The following OGDH variants were observed in gnomAD, a reference collection of about 807,000 sequenced individuals.
The protein encoded by OGDH is oxoglutarate dehydrogenase.
A neutral mutation model predicts 116.6 loss-of-function variants in OGDH; 38 were observed. The observed-to-expected ratio is 0.33, with a 90% CI of 0.25 to 0.43. The LOEUF is 0.43. Among genes scored for constraint, OGDH ranks in the 20% least tolerant of loss-of-function variants. The pLI is 1.00. For synonymous variants in OGDH, 488 were observed against 533.3 expected, an observed-to-expected ratio of 0.92 and a Z score of 1.17; for missense variants, 825 against 1,357.2, an observed-to-expected ratio of 0.61 and a Z score of 6.16.
rs371133064 is a variant in OGDH at position 44,696,906 on chromosome 7, C to T, written c.1901-8C>T. Reference sequence around the variant, plus strand: ...CTGCAGCAGCTGGTGAGAGCTGTGTCTCTGCAGGGCTGAGCCGGATCTTGA... The same window carrying T: ...CTGCAGCAGCTGGTGAGAGCTGTGTTTCTGCAGGGCTGAGCCGGATCTTGA... On this transcript the variant is annotated splice_region_variant and splice_polypyrimidine_tract_variant and intron_variant, in intron 14 of 22. Coordinates refer to ENST00000222673, the MANE Select transcript of OGDH (RefSeq NM_002541.4). 17 of 1,601,492 alleles carry T rather than the reference C, an allele frequency of 1.1e-5. No individual in the cohort carries two copies. Among genetic ancestry groups the T allele is most frequent in the African/African-American group, 1.3e-5 (1 of 74,680 alleles).
rs1185554089 is a variant in OGDH at position 44,609,339 on chromosome 7, C to CAA, written c.-28+2706_-28+2707dup. Among the ~76,000 whole-genome samples, 84 of 81,542 alleles carry CAA rather than the reference C, an allele frequency of 1.0e-3. 1 individual carries two copies. Among genetic ancestry groups the CAA allele is most frequent in the South Asian group, 1.3e-3 (3 of 2,366 alleles). The allele number at this position is 81,542 out of a possible 152,430, so 53.5% of individuals were successfully genotyped here. ...GGAACATAGTGAGACCTCGTCTCTA[C>CAA]AAAAAAAAAAAAAAAAAAAAATTAG... On this transcript the variant is annotated intron_variant, in intron 1 of 22. Coordinates refer to ENST00000222673, the MANE Select transcript of OGDH (RefSeq NM_002541.4).
chr7:44,629,575 C>CTTTTTTTTTTTTTTTTT (rs1037295168), intron 2 of OGDH, among the ~76,000 whole-genome samples: 3 of 134,434 alleles, frequency 2.2e-5, no homozygotes, highest in East Asian at 2.3e-4. Flanking sequence ...TTTTCTTTTT[C>CTTTTTTTTTTTTTTTTT]TTTTCTTTTT....
Position 44,675,237 on chromosome 7 carries a change from A to G in OGDH, c.995A>G (p.Gln332Arg). 6.2e-7 allele frequency: 1 copy of G among 1,614,136 alleles called. No individual in the cohort carries two copies. Among genetic ancestry groups the G allele is most frequent in the East Asian group, 2.2e-5 (1 of 44,880 alleles). Residue 332 changes from glutamine to arginine, a missense_variant, in exon 8 of 23, where the codon CAA becomes CGA. This residue lies in a region of OGDH where 5 missense variants were observed against 36.3 expected (regional missense o/e 0.14). Transcript: ENST00000222673. The part of the protein sequence containing the change: ...IRKELEQIFC[Q>R]FDSKLEAADE... ...AAGGAGCTGGAACAGATCTTCTGTC[A>G]ATTCGATTCAAAGCTGGAGGCAGCT...
intron 2 of OGDH, among the ~76,000 whole-genome samples, chr7:44,631,537 C>CT (rs1301915645): frequency 6.6e-6 from 1 of 152,242 alleles, no homozygotes; most frequent in Admixed American, 6.5e-5. Flanking sequence ...GCTAAACTGA[C>CT]TGAGTGCGCC....
rs141678366 is a variant in OGDH at position 44,655,874 on chromosome 7, A to G, written c.517+8115A>G. 3.6e-3 allele frequency among the ~76,000 whole-genome samples: 545 copies of G among 152,294 alleles called. 1 individual carries two copies. The highest frequency in any genetic ancestry group is 6.5e-3 in the Non-Finnish European group (442 of 68,008). On this transcript the variant is annotated intron_variant, in intron 4 of 22. Coordinates refer to ENST00000222673, the MANE Select transcript of OGDH (RefSeq NM_002541.4). ...TCTTCAAAATCTTACGGTTTAGAGT[A>G]GTCTGCCACCTGAATCTAGTGCTGA...
intron 20 of OGDH, among the ~76,000 whole-genome samples, chr7:44,702,067 G>A (rs564747073): frequency 3.4e-5 from 5 of 149,196 alleles, no homozygotes; most frequent in South Asian, 4.3e-4. Context: ...GCAAAACTCC[G>A]GCACAAAAAA....
chr7:44,618,125 A>C lies in OGDH; in HGVS notation c.-27-6192A>C, dbSNP rs117669227. On this transcript the variant is annotated intron_variant, in intron 1 of 22. Transcript: ENST00000222673. ...TTCTTTGTACAACTTATTTTTCCCA[A>C]ATGTATGTGTTTATTTTTGCATCTT... 1.2e-3 allele frequency among the ~76,000 whole-genome samples: 187 copies of C among 152,226 alleles called. 1 individual carries two copies. Among genetic ancestry groups the C allele is most frequent in the Non-Finnish European group, 2.3e-3 (158 of 68,022 alleles).
At chr7:44,677,918 A>G (rs1787769720) in intron 9 of OGDH, among the ~76,000 whole-genome samples, 1 of 151,794 alleles carries the variant, frequency 6.6e-6, no homozygotes, top group South Asian at 2.1e-4. Context: ...TTATTACTTT[A>G]CCAGGCTCTA....
intron 4 of OGDH, among the ~76,000 whole-genome samples, chr7:44,665,511 C>G (rs1787148482): frequency 6.6e-6 from 1 of 152,158 alleles, no homozygotes; most frequent in African/African-American, 2.4e-5. Flanking sequence ...GATTCAGTAC[C>G]AGGGTTGGAG....
chr7:44,616,755 GTATA>G (rs562422788), intron 1 of OGDH, among the ~76,000 whole-genome samples: 2 of 129,926 alleles, frequency 1.5e-5, no homozygotes, highest in Non-Finnish European at 1.5e-5. Context: ...GTGTATATGT[GTATA>G]TATATACACG....
chr7:44,638,805 A>G (rs950013112), intron 2 of OGDH, among the ~76,000 whole-genome samples: 1 of 152,174 alleles, frequency 6.6e-6, no homozygotes, highest in East Asian at 1.9e-4. Flanking sequence ...CTCCATGGGA[A>G]TTAGATGGGA....
intron 1 of OGDH, among the ~76,000 whole-genome samples, chr7:44,611,951 G>A (rs11765589): frequency 0.46 from 69,981 of 151,578 alleles, 16,243 homozygotes; most frequent in East Asian, 0.6. Context: ...TTTAAGTTCT[G>A]GGGTACATGT....
chr7:44,652,965 A>C (rs1786519301), intron 4 of OGDH, among the ~76,000 whole-genome samples: 1 of 152,172 alleles, frequency 6.6e-6, no homozygotes, highest in Non-Finnish European at 1.5e-5. Flanking sequence ...CTAGAACCAG[A>C]GTATTATCAA....
At chr7:44,647,409 T>G in intron 3 of OGDH, 1 of 1,441,068 alleles carries the variant, frequency 6.9e-7, no homozygotes, top group Non-Finnish European at 9.4e-7. Context: ...GCTCACTGGA[T>G]CTGCTTAATG....
chr7:44,707,963 G>A lies in OGDH; in HGVS notation c.3036G>A (p.Thr1012=), dbSNP rs371973356. The A allele has an allele frequency of 8.3e-5, 134 of 1,613,656 alleles. No homozygotes were observed. Among genetic ancestry groups the A allele is most frequent in the South Asian group, 1.9e-4 (17 of 91,082 alleles). Residue 1012 remains threonine (T), a synonymous_variant, in exon 23 of 23, where the codon ACG becomes ACA. Coordinates refer to ENST00000222673, the MANE Select transcript of OGDH (RefSeq NM_002541.4). The surrounding 1 kb of genome is among the most constrained non-coding windows in gnomAD (Gnocchi z 5.2). ...CGGAGCTGCAGCGCCTCCTGGACAC[G>A]GCCTTCGACCTGGACGTCTTCAAGA... is the stretch of plus-strand genomic sequence containing the variant. The part of the protein sequence containing the change: ...HLTELQRLLD[T]AFDLDVFKNF...
intron 2 of OGDH, among the ~76,000 whole-genome samples, chr7:44,640,074 C>G (rs1372055328): frequency 6.6e-6 from 1 of 152,242 alleles, no homozygotes; most frequent in Non-Finnish European, 1.5e-5. Context: ...AGGAGTCCTG[C>G]AGCCTTTGTG....
At chr7:44,682,391 A>G (rs1452985793) in intron 10 of OGDH, among the ~76,000 whole-genome samples, 2 of 151,758 alleles carry the variant, frequency 1.3e-5, no homozygotes, top group Admixed American at 6.6e-5. Flanking sequence ...ATTTCAAAAA[A>G]AAAAAAGAAA....
chr7:44,697,168 A>G lies in OGDH; in HGVS notation c.2051+104A>G. On this transcript the variant is annotated intron_variant, in intron 15 of 22. Coordinates refer to ENST00000222673, the MANE Select transcript of OGDH (RefSeq NM_002541.4). The surrounding 1 kb of genome is among the most constrained non-coding windows in gnomAD (Gnocchi z 6.0). ...AAGACGGTTAGAAACCGGAAGAGTC[A>G]CATTGCTCTCAGGCTGAAAACCTCT... 1 of 1,513,652 alleles carries G rather than the reference A, an allele frequency of 6.6e-7. No homozygotes were observed. The highest frequency in any genetic ancestry group is 9.0e-7 in the Non-Finnish European group (1 of 1,113,470). 93.8% of individuals were successfully genotyped at this position (1,513,652 alleles called of 1,614,324 possible).
intron 2 of OGDH, among the ~76,000 whole-genome samples, chr7:44,637,979 C>G (rs1379986344): frequency 6.6e-6 from 1 of 152,148 alleles, no homozygotes; most frequent in Non-Finnish European, 1.5e-5. Flanking sequence ...CTTTCCCGCA[C>G]CCCTCCCCTG....
Sources: gnomAD v4.1 joint callset for allele counts (sites outside exome capture counted in the v4.1 genomes callset) on GRCh38, gnomAD v4.1.1 for gene constraint, gnomAD v4.1.1 regional missense constraint, Gnocchi (gnomAD v3.1) non-coding constraint, MANE v1.5 for transcripts, NCBI Gene and HGNC (gene_info 2026-07-23, HGNC 2026-07-21) for gene names.